Variants in KLKB1 observed in about 807,000 individuals in gnomAD.
The protein encoded by KLKB1 is plasma kallikrein.
Under a neutral mutation model 73.6 loss-of-function variants are expected in KLKB1, and 58 were observed. The observed-to-expected ratio is 0.79, with a 90% confidence interval of 0.64 to 0.98. The LOEUF (loss-of-function observed/expected upper bound fraction) is 0.98. Among genes scored for constraint, KLKB1 ranks in the 50% least tolerant of loss-of-function variants. The pLI is 0.00. For missense variants in KLKB1, 737 were observed against 763.8 expected, an observed-to-expected ratio of 0.96 and a Z score of 0.41; for synonymous variants, 280 against 258.1, an observed-to-expected ratio of 1.08 and a Z score of -0.81.
At chr4:186,216,239 G>A (rs144727314) in intron 2 of KLKB1, among the ~76,000 whole-genome samples, 67 of 152,260 alleles carry the variant, frequency 4.4e-4, no homozygotes, top group African/African-American at 1.5e-3. Flanking sequence ...TTATTCATGT[G>A]CTTATTTATT....
intron 6 of KLKB1, 60 bp from the exon 7 acceptor site, chr4:186,250,183 A>T: frequency 6.7e-7 from 1 of 1,482,694 alleles, no homozygotes; most frequent in Non-Finnish European, 9.4e-7. Context: ...GTGACAAAAT[A>T]CAAGCAAATT....
intron 6 of KLKB1, among the ~76,000 whole-genome samples, chr4:186,239,371 G>T (rs1409475862): frequency 9.4e-5 from 14 of 149,274 alleles, no homozygotes; most frequent in South Asian, 2.2e-4. Context: ...GATACTGTTA[G>T]AGTTATAGGT....
intron 11 of KLKB1, among the ~76,000 whole-genome samples, chr4:186,253,592 AT>A (rs1738824527): frequency 6.6e-6 from 1 of 151,992 alleles, no homozygotes; most frequent in Admixed American, 6.6e-5. Flanking sequence ...TAAAAGTGTA[AT>A]GATTTCATTG....
chr4:186,226,523 T>C (rs745996273), upstream of KLKB1: 2 of 152,518 alleles, frequency 1.3e-5, no homozygotes, highest in Non-Finnish European at 2.9e-5. Context: ...TCATTCACTG[T>C]GGTTGTCTGT....
chr4:186,244,518 G>A (rs551645647), intron 6 of KLKB1, among the ~76,000 whole-genome samples: 20 of 152,266 alleles, frequency 1.3e-4, no homozygotes, highest in Non-Finnish European at 2.1e-4. Flanking sequence ...TGAGGCTGAC[G>A]GGTGTCAGGG....
In KLKB1 at chr4:186,236,109, G is replaced by A. The variant is rs867260640; in HGVS notation, c.329-672G>A. On this transcript the variant is annotated intron_variant, in intron 4 of 14. Coordinates refer to ENST00000264690, the MANE Select transcript of KLKB1 (RefSeq NM_000892.5). The stretch of plus-strand genomic sequence containing the variant: ...AGCCTGGGCGACAGAGCGAGACTCC[G>A]TCTCAAAAAAAAAAAAAAAAAAAAG... Among the ~76,000 whole-genome samples the A allele has an allele frequency of 1.5e-3, 106 of 72,272 alleles. 1 individual carries two copies. The highest frequency in any genetic ancestry group is 2.2e-3 in the Non-Finnish European group (91 of 40,498). 47.4% of individuals were successfully genotyped at this position (72,272 alleles called of 152,430 possible). A position where few individuals can be genotyped will look rare whatever the true frequency, so the allele number is the denominator to read the frequency against.
intron 11 of KLKB1, 103 bp downstream of exon 11, chr4:186,252,288 G>T: frequency 2.4e-6 from 3 of 1,254,784 alleles, no homozygotes; most frequent in African/African-American, 1.5e-5. Flanking sequence ...GAATAGAGAC[G>T]TGTTAAAGCG....
rs201061995 is a variant in KLKB1, at chr4:186,251,650, G to A, written c.1031+1G>A. 5.0e-6 allele frequency: 8 copies of A among 1,613,802 alleles called. No homozygotes were observed. The highest frequency in any genetic ancestry group is 1.7e-5 in the Admixed American group (1 of 60,032). ...TCCCAGAAGACTGTAAGGAAGAGAA[G>A]TAAAGGAAATTTTATTTTTCAAAGA... On this transcript the variant is annotated splice_donor_variant, in intron 9 of 14. Coordinates refer to ENST00000264690, the MANE Select transcript of KLKB1 (RefSeq NM_000892.5). LOFTEE classifies it high-confidence loss of function.
At chr4:186,238,202 C>A in intron 5 of KLKB1, 54 bp from the exon 6 acceptor site, 1 of 1,115,256 alleles carries the variant, frequency 9.0e-7, no homozygotes, top group Non-Finnish European at 1.4e-6. Context: ...ACCTGCACTG[C>A]TCCCTGCCCC....
intron 2 of KLKB1, among the ~76,000 whole-genome samples, chr4:186,219,265 C>T (rs547007947): frequency 6.6e-6 from 1 of 152,098 alleles, no homozygotes; most frequent in Admixed American, 6.6e-5. Context: ...TCCAGTCAAG[C>T]CGACACTCAA....
At chr4:186,256,569 C>T (rs1179604575) in intron 13 of KLKB1, among the ~76,000 whole-genome samples, 2 of 152,114 alleles carry the variant, frequency 1.3e-5, no homozygotes, top group African/African-American at 4.8e-5. Context: ...TCAAGTAATT[C>T]ACATTTTTAG....
intron 2 of KLKB1, among the ~76,000 whole-genome samples, chr4:186,219,268 A>G (rs1365506403): frequency 6.6e-6 from 1 of 152,152 alleles, no homozygotes; most frequent in African/African-American, 2.4e-5. Flanking sequence ...AGTCAAGCCG[A>G]CACTCAATAT....
At chr4:186,236,129 AAAAAG>A (rs1227423217) in intron 4 of KLKB1, among the ~76,000 whole-genome samples, 1 of 147,482 alleles carries the variant, frequency 6.8e-6, no homozygotes, top group African/African-American at 2.4e-5. Flanking sequence ...AAAAAAAAAA[AAAAAG>A]AGCCTAATTT....
chr4:186,211,893 C>T (rs1736735208), intron 2 of KLKB1: 1 of 152,058 alleles, frequency 6.6e-6, no homozygotes, highest in African/African-American at 2.4e-5. Context: ...CACTTATAGT[C>T]TTCATTTAAT....
chr4:186,238,242 T>G lies in KLKB1; in HGVS notation c.489-14T>G. The G allele has an allele frequency of 6.4e-7, 1 of 1,568,290 alleles. No individual in the cohort carries two copies. The highest frequency in any genetic ancestry group is 8.8e-7 in the Non-Finnish European group (1 of 1,138,388). On this transcript the variant is annotated splice_polypyrimidine_tract_variant and intron_variant, in intron 5 of 14. Coordinates refer to ENST00000264690, the MANE Select transcript of KLKB1 (RefSeq NM_000892.5). ...AGTGCAGAAAGCAAAGTAACCTCTT[T>G]TCTTCCCATTCAGGAACAATTGCCT...
intron 2 of KLKB1, among the ~76,000 whole-genome samples, chr4:186,214,061 C>T (rs571604262): frequency 1.2e-4 from 18 of 152,246 alleles, no homozygotes; most frequent in Non-Finnish European, 2.2e-4. Context: ...AGGTTAAATT[C>T]GAGTTCTCCC....
intron 2 of KLKB1, among the ~76,000 whole-genome samples, chr4:186,221,104 A>G (rs1180136875): frequency 1.3e-5 from 2 of 152,018 alleles, no homozygotes; most frequent in Non-Finnish European, 2.9e-5. Context: ...ACTGTTTTTC[A>G]TAGTAGTCTC....
intron 6 of KLKB1, among the ~76,000 whole-genome samples, chr4:186,244,910 G>A (rs767980807): frequency 6.6e-6 from 1 of 152,106 alleles, no homozygotes; most frequent in Non-Finnish European, 1.5e-5. Context: ...GGTAAGGGGT[G>A]CACGATAGGT....
chr4:186,224,532 G>A (rs1737110863), upstream of KLKB1, among the ~76,000 whole-genome samples: 1 of 152,222 alleles, frequency 6.6e-6, no homozygotes, highest in Non-Finnish European at 1.5e-5. Flanking sequence ...TGACTTCCCT[G>A]CTAGGTTTTG....
Sources: allele counts gnomAD v4.1 joint callset (sites outside exome capture counted in the v4.1 genomes callset), GRCh38; gene constraint gnomAD v4.1.1; transcripts MANE v1.5; gene names NCBI Gene and HGNC (gene_info 2026-07-23, HGNC 2026-07-21).